Variants in THBS1 observed in about 807,000 individuals in gnomAD.
THBS1 encodes thrombospondin 1.
Under a neutral mutation model 126.1 loss-of-function variants are expected in THBS1, and 29 were observed. The observed-to-expected ratio is 0.23, with a 90% CI of 0.17 to 0.31. The LOEUF (loss-of-function observed/expected upper bound fraction) is 0.31, where lower values mean the gene tolerates loss of function less well. Ranked by LOEUF, THBS1 falls within the 10% of genes least tolerant of loss-of-function variation. The pLI is 1.00. For synonymous variants in THBS1, 496 were observed against 577.8 expected (o/e 0.86, Z 2.03); for missense variants, 1,198 against 1,545.2 (o/e 0.78, Z 3.77).
intron 7 of THBS1, among the ~76,000 whole-genome samples, 188 bp downstream of exon 7, chr15:39,585,751 A>G (rs899693952): frequency 6.6e-6 from 1 of 152,224 alleles, no homozygotes; most frequent in African/African-American, 2.4e-5. Flanking sequence ...TTATGAGTAC[A>G]TCGTAATTAC....
At position 39,582,149 on chromosome 15, in the gene THBS1, T is replaced by C. The variant is rs1384383208; in HGVS notation, c.68-44T>C. 3 of 1,546,596 alleles carry C rather than the reference T, an allele frequency of 1.9e-6. No homozygotes were observed. In the East Asian group the frequency reaches 6.8e-5, roughly 35 times the overall value. ...TAAGGACTCAGCCCCCTACTGCTGG[T>C]CCCAGCCTAGAAAGCTCACTTTGTG... On this transcript the variant is annotated intron_variant, in intron 2 of 21. Coordinates refer to ENST00000260356, the MANE Select transcript of THBS1 (RefSeq NM_003246.4).
At position 39,590,920 on chromosome 15, in the gene THBS1, AC is replaced by A. The variant is rs1161470070; in HGVS notation, c.2254-270del. 4 of 539,392 alleles carry A rather than the reference AC, an allele frequency of 7.4e-6. No individual in the cohort carries two copies. The African/African-American group carries it at 7.7e-5, about 10-fold the overall frequency. 33.4% of individuals were successfully genotyped at this position (539,392 alleles called of 1,614,324 possible). A position where few individuals can be genotyped will look rare whatever the true frequency, so the allele number is the denominator to read the frequency against. On this transcript the variant is annotated intron_variant, in intron 14 of 21. Coordinates refer to ENST00000260356, the MANE Select transcript of THBS1 (RefSeq NM_003246.4). ...TCATTTCAAATGTCACATCGAAATT[AC>A]AGTAAAATTGACTTTGGGCACACTA...
At position 39,584,403 on chromosome 15, in the gene THBS1, G is replaced by A; in HGVS notation, c.1007G>A (p.Cys336Tyr). 6.2e-7 allele frequency: 1 copy of A among 1,614,238 alleles called. No individual in the cohort carries two copies. The highest frequency in any genetic ancestry group is 1.3e-5 in the African/African-American group (1 of 75,070). Reference protein sequence around the residue: ...RNNEEWTVDSCTECHCQNSVT... With the variant: ...RNNEEWTVDSYTECHCQNSVT... Reference sequence around the variant, plus strand: ...AACGAGGAATGGACTGTTGATAGCTGCACTGAGTGTCACTGTCAGGTAAGG... The same window carrying A: ...AACGAGGAATGGACTGTTGATAGCTACACTGAGTGTCACTGTCAGGTAAGG... Residue 336 changes from cysteine (C) to tyrosine (Y), a missense_variant, in exon 6 of 22, where the codon TGC (cysteine) becomes TAC (tyrosine). Physicochemically the swap from Cys to Tyr is radical, Grantham distance 194. Transcript: ENST00000260356.
chr15:39,592,669 C>T lies in THBS1; in HGVS notation c.2634C>T (p.Pro878=). 1.2e-6 allele frequency: 2 copies of T among 1,614,156 alleles called. No homozygotes were observed. The highest frequency in any genetic ancestry group is 1.7e-6 in the Non-Finnish European group (2 of 1,180,038). The change falls in exon 17 of 22, where the codon CCC becomes CCT. Residue 878 remains proline, a synonymous_variant. Coordinates refer to ENST00000260356, the MANE Select transcript of THBS1 (RefSeq NM_003246.4). This position sits in a 1 kb window ranked among gnomAD's most constrained non-coding sequence, Gnocchi z 4.3. ...QNNLDNCPYV[P]NANQADHDKD... ...ATCTGGACAACTGTCCCTATGTGCC[C>T]AATGCCAACCAGGCTGACCATGACA...
rs781720123 is a variant in THBS1 at position 39,594,130 on chromosome 15, T to C, written c.3299T>C (p.Ile1100Thr). The change falls in exon 20 of 22, where the codon ATA becomes ACA. Residue 1100 changes from isoleucine to threonine, a missense_variant. Ile to Thr is a moderately conservative substitution (Grantham distance 89). Transcript: ENST00000260356. The surrounding 1 kb of genome is among the most constrained non-coding windows in gnomAD (Gnocchi z 4.4). ...VRTLWHDPRH[I>T]GWKDFTAYRW... is the part of the protein sequence containing the mutation. ...ACCCTGTGGCATGACCCTCGTCACA[T>C]AGGCTGGAAAGATTTCACCGCCTAC... is the stretch of plus-strand genomic sequence containing the variant. 8.1e-6 allele frequency: 13 copies of C among 1,614,024 alleles called. No individual in the cohort carries two copies. The highest frequency in any genetic ancestry group is 2.7e-5 in the African/African-American group (2 of 74,930).
Position 39,593,116 on chromosome 15 carries a change from A to G in THBS1, c.2884A>G (p.Met962Val). Reference sequence around the variant, plus strand: ...TGAGACCGATTTCCGCCGATTCCAGATGATTCCTCTGGACCCCAAAGGGAC... The same window carrying G: ...TGAGACCGATTTCCGCCGATTCCAGGTGATTCCTCTGGACCCCAAAGGGAC... ...ISETDFRRFQMIPLDPKGTSQ... is the reference protein window; with the variant it reads ...ISETDFRRFQVIPLDPKGTSQ... Residue 962 changes from methionine to valine, a missense_variant, in exon 18 of 22, where the codon ATG (methionine) becomes GTG (valine). This residue lies in a region of THBS1 where 255 missense variants were observed against 373.9 expected (regional missense o/e 0.68). Coordinates refer to ENST00000260356, the MANE Select transcript of THBS1 (RefSeq NM_003246.4). This position sits in a 1 kb window ranked among gnomAD's most constrained non-coding sequence, Gnocchi z 5.9. The G allele has an allele frequency of 6.3e-7, 1 of 1,599,548 alleles. No individual in the cohort carries two copies. Among genetic ancestry groups the G allele is most frequent in the Non-Finnish European group, 8.5e-7 (1 of 1,173,582 alleles).
rs3138595 is a variant in THBS1, at chr15:39,581,639, CCTCTCTCTCTCTCT to C, written c.-29-174_-29-161del. 8.2e-6 allele frequency: 3 copies of C among 366,056 alleles called. 1 individual carries two copies. Among genetic ancestry groups the C allele is most frequent in the Middle Eastern group, 1.5e-3 (2 of 1,370 alleles). The allele number at this position is 366,056 out of a possible 1,614,324, so 22.7% of individuals were successfully genotyped here. A position where few individuals can be genotyped will look rare whatever the true frequency, so the allele number is the denominator to read the frequency against. ...TTAAAACCAGCATCTCTTTCCTCCA[CCTCTCTCTCTCTCT>C]CTCTCTCTCTCTCTCATGCTCTCTG... On this transcript the variant is annotated intron_variant, in intron 1 of 21. Transcript: ENST00000260356.
In THBS1 at chr15:39,594,471, G is replaced by A; in HGVS notation, c.3505+31G>A. 1 of 1,609,566 alleles carries A rather than the reference G, an allele frequency of 6.2e-7. No homozygotes were observed. The highest frequency in any genetic ancestry group is 1.1e-5 in the South Asian group (1 of 90,002). ...AGCAACATCACCATGAATGTACACT[G>A]GACATCTCTATTTCAGACTAATATC... On this transcript the variant is annotated intron_variant, in intron 21 of 21. Transcript: ENST00000260356. This position sits in a 1 kb window ranked among gnomAD's most constrained non-coding sequence, Gnocchi z 4.4.
At chr15:39,585,622 C>G (rs772828129) in intron 7 of THBS1, 59 bp downstream of exon 7, 36 of 1,515,476 alleles carry the variant, frequency 2.4e-5, no homozygotes, top group Non-Finnish European at 3.2e-5. Flanking sequence ...TACATACATC[C>G]TAGACAGCCG....
At position 39,596,021 on chromosome 15, in the gene THBS1, C is replaced by G; in HGVS notation, c.*652C>G. 2.6e-6 allele frequency: 1 copy of G among 380,056 alleles called. No individual in the cohort carries two copies. The highest frequency in any genetic ancestry group is 5.3e-6 in the Non-Finnish European group (1 of 189,414). 23.5% of individuals were successfully genotyped at this position (380,056 alleles called of 1,614,324 possible). ...AGGAAAGGGAGACAAAGACTGGCTT[C>G]TGGACTTCCTCCCTGATCCCCACCC... On this transcript the variant is annotated 3_prime_UTR_variant, in exon 22 of 22. Coordinates refer to ENST00000260356, the MANE Select transcript of THBS1 (RefSeq NM_003246.4).
rs910330924 is a variant in THBS1, at chr15:39,589,442, C to A, written c.1926+88C>A. The A allele has an allele frequency of 6.0e-6, 9 of 1,497,448 alleles. No homozygotes were observed. The highest frequency in any genetic ancestry group is 5.6e-5 in the African/African-American group (4 of 71,010). The allele number at this position is 1,497,448 out of a possible 1,614,324, so 92.8% of individuals were successfully genotyped here. Reference sequence around the variant, plus strand: ...GAGCGGGAGGAATGTAATTTCATACCCTTCACCAAAAAAAAAAGGGCGAGG... The same window carrying A: ...GAGCGGGAGGAATGTAATTTCATACACTTCACCAAAAAAAAAAGGGCGAGG... On this transcript the variant is annotated intron_variant, in intron 12 of 21. Transcript: ENST00000260356. The surrounding 1 kb of genome is among the most constrained non-coding windows in gnomAD (Gnocchi z 4.7).
rs993718028 is a variant in THBS1, at chr15:39,596,095, G to C, written c.*726G>C. ...GAATTAGGGAATCAGAATCAAACCA[G>C]TGTAAGGCAGTGCTGGCTGCCATTG... On this transcript the variant is annotated 3_prime_UTR_variant, in exon 22 of 22. Transcript: ENST00000260356. 2 of 335,372 alleles carry C rather than the reference G, an allele frequency of 6.0e-6. No individual in the cohort carries two copies. The highest frequency in any genetic ancestry group is 1.2e-5 in the Non-Finnish European group (2 of 169,500). 20.8% of individuals were successfully genotyped at this position (335,372 alleles called of 1,614,324 possible).
rs1346485801 is a variant in THBS1 at position 39,596,181 on chromosome 15, A to T, written c.*812A>T. The T allele has an allele frequency of 5.1e-6, 1 of 197,702 alleles. No individual in the cohort carries two copies. Among genetic ancestry groups the T allele is most frequent in the East Asian group, 1.3e-4 (1 of 7,614 alleles). The allele number at this position is 197,702 out of a possible 1,614,324, so 12.2% of individuals were successfully genotyped here. ...TGTAGCTTGTGCAGATGTAGCAGGA[A>T]AATAGGAAAACCTACCATCTCAGTG... On this transcript the variant is annotated 3_prime_UTR_variant, in exon 22 of 22. Coordinates refer to ENST00000260356, the MANE Select transcript of THBS1 (RefSeq NM_003246.4).
In THBS1 at chr15:39,593,546, G is replaced by A; in HGVS notation, c.3145G>A (p.Asp1049Asn). The change falls in exon 19 of 22, where the codon GAC becomes AAC. Residue 1049 changes from aspartate (D) to asparagine (N), a missense_variant. Asp to Asn is a conservative substitution (Grantham distance 23). Around this residue, in one of 4 missense-constraint regions of THBS1, gnomAD observed 255 missense variants for 373.9 expected, o/e 0.68. Transcript: ENST00000260356. This position sits in a 1 kb window ranked among gnomAD's most constrained non-coding sequence, Gnocchi z 5.9. Reference protein sequence around the residue: ...MWKQVTQSYWDTNPTRAQGYS... With the variant: ...MWKQVTQSYWNTNPTRAQGYS... ...GAAGCAAGTCACCCAGTCCTACTGG[G>A]ACACCAACCCCACGAGGGCTCAGGG... 6.2e-7 allele frequency: 1 copy of A among 1,614,230 alleles called. No individual in the cohort carries two copies. The highest frequency in any genetic ancestry group is 8.5e-7 in the Non-Finnish European group (1 of 1,180,044).
At position 39,597,520 on chromosome 15, in the gene THBS1, A is replaced by G. The variant is rs1309359555; in HGVS notation, c.*2151A>G. The G allele has an allele frequency of 6.6e-6, 1 of 152,134 alleles. No individual in the cohort carries two copies. The highest frequency in any genetic ancestry group is 2.4e-5 in the African/African-American group (1 of 41,444). The allele number at this position is 152,134 out of a possible 1,614,324, so 9.4% of individuals were successfully genotyped here. A position where few individuals can be genotyped will look rare whatever the true frequency, so the allele number is the denominator to read the frequency against. Reference sequence around the variant, plus strand: ...CTACTGGCTTTATGTCATGAAGTATATGCGTAAATACCATTCATAAATCAA... The same window carrying G: ...CTACTGGCTTTATGTCATGAAGTATGTGCGTAAATACCATTCATAAATCAA... On this transcript the variant is annotated 3_prime_UTR_variant, in exon 22 of 22. Coordinates refer to ENST00000260356, the MANE Select transcript of THBS1 (RefSeq NM_003246.4).
intron 16 of THBS1, 38 bp downstream of exon 16, chr15:39,591,661 C>T: frequency 6.4e-7 from 1 of 1,552,596 alleles, no homozygotes; most frequent in Non-Finnish European, 8.9e-7. Flanking sequence ...TTTCAGTAAA[C>T]TGTTGGAATA....
rs777428598 is a variant in THBS1 at position 39,595,382 on chromosome 15, T to C, written c.*13T>C. The C allele has an allele frequency of 2.0e-6, 3 of 1,493,238 alleles. No homozygotes were observed. Among genetic ancestry groups the C allele is most frequent in the South Asian group, 2.9e-5 (2 of 68,892 alleles). 92.5% of individuals were successfully genotyped at this position (1,493,238 alleles called of 1,614,324 possible). ...AACAGATCCCTAATCATCAAATTGTTGATTGAAAGACTGATCATAAACCAA... is the reference window on the plus strand; with the variant it reads ...AACAGATCCCTAATCATCAAATTGTCGATTGAAAGACTGATCATAAACCAA... On this transcript the variant is annotated 3_prime_UTR_variant, in exon 22 of 22. Coordinates refer to ENST00000260356, the MANE Select transcript of THBS1 (RefSeq NM_003246.4).
In THBS1 at chr15:39,595,956, T is replaced by C. The variant is rs377262162; in HGVS notation, c.*587T>C. On this transcript the variant is annotated 3_prime_UTR_variant, in exon 22 of 22. Transcript: ENST00000260356. The stretch of plus-strand genomic sequence containing the variant: ...TGGATTTCATGATGCTGACTGGCGT[T>C]AGCTGATTAACCCATGTAAATAGGC... The C allele has an allele frequency of 2.5e-4, 110 of 435,598 alleles. No homozygotes were observed. In the East Asian group the frequency reaches 6.2e-3, roughly 24 times the overall value. The allele number at this position is 435,598 out of a possible 1,614,324, so 27.0% of individuals were successfully genotyped here.
At chr15:39,588,364 T>C (rs1205129092) in intron 9 of THBS1, 146 bp downstream of exon 9, 2 of 1,286,022 alleles carry the variant, frequency 1.6e-6, no homozygotes, top group Admixed American at 5.7e-5. Flanking sequence ...TCCTGCAGGC[T>C]CAGCAACTTC....
Sources: gnomAD v4.1 joint callset for allele counts (sites outside exome capture counted in the v4.1 genomes callset) on GRCh38, gnomAD v4.1.1 for gene constraint, gnomAD v4.1.1 regional missense constraint, Gnocchi (gnomAD v3.1) non-coding constraint, MANE v1.5 for transcripts, NCBI Gene and HGNC (gene_info 2026-07-23, HGNC 2026-07-21) for gene names.